Variants in AKR1E2 observed in about 807,000 individuals in gnomAD.
The protein encoded by AKR1E2 is 1,5-anhydro-D-fructose reductase.
Under a neutral mutation model 41.9 loss-of-function variants are expected in AKR1E2, and 43 were observed. The observed-to-expected ratio is 1.03, with a 90% confidence interval of 0.80 to 1.32. The LOEUF (loss-of-function observed/expected upper bound fraction) is 1.32, where lower values mean the gene tolerates loss of function less well. Among genes scored for constraint, AKR1E2 ranks in the 40% most tolerant of loss-of-function variants. The pLI, the probability that AKR1E2 is intolerant of heterozygous loss-of-function variation, is 0.00. For synonymous variants in AKR1E2, 121 were observed against 138.9 expected (o/e 0.87, Z 0.91); for missense variants, 423 against 396.5 (o/e 1.07, Z -0.57).
At chr10:4,849,712 G>C (rs1834486985), downstream of AKR1E2, among the ~76,000 whole-genome samples, 1 of 152,196 alleles carries the variant, frequency 6.6e-6, no homozygotes, top group South Asian at 2.1e-4. Flanking sequence ...AGCGTGAGTT[G>C]GTTAACAGTA....
At chr10:4,846,172 T>A (rs1834320671) in intron 8 of AKR1E2, 1 of 256,022 alleles carries the variant, frequency 3.9e-6, no homozygotes, top group Non-Finnish European at 7.9e-6. Flanking sequence ...GGCTACTTTC[T>A]CCTGCCCTCA....
downstream of AKR1E2, among the ~76,000 whole-genome samples, chr10:4,850,818 G>A (rs1023962831): frequency 5.3e-5 from 8 of 152,174 alleles, 1 homozygote; most frequent in Admixed American, 3.9e-4. Flanking sequence ...TTGGAACTGT[G>A]CATTTAGACA....
chr10:4,830,625 G>A lies in AKR1E2; in HGVS notation c.40-50G>A, dbSNP rs1434701141. On this transcript the variant is annotated intron_variant, in intron 1 of 9. Coordinates refer to ENST00000298375, the MANE Select transcript of AKR1E2 (RefSeq NM_001040177.3). ...TGCTTGGGTGAAAGGGGAGATTTGT[G>A]TTGGATTCCTCTGACTGTGAGAAGA... The A allele has an allele frequency of 2.5e-6, 4 of 1,602,390 alleles. No homozygotes were observed. The South Asian group carries it at 3.3e-5, about 13-fold the overall frequency.
intron 2 of AKR1E2, among the ~76,000 whole-genome samples, chr10:4,832,397 G>A (rs560846930): frequency 5.5e-4 from 84 of 152,324 alleles, no homozygotes; most frequent in African/African-American, 1.9e-3. Context: ...TAAGAGAGCA[G>A]CCTTGGTGTG....
downstream of AKR1E2, among the ~76,000 whole-genome samples, chr10:4,852,848 T>G (rs1834553486): frequency 6.6e-6 from 1 of 152,184 alleles, no homozygotes; most frequent in Admixed American, 6.5e-5. Flanking sequence ...GTTAACAGAT[T>G]TGGTTTCTTC....
chr10:4,825,127 T>C (rs1051197762), upstream of AKR1E2: 1 of 398,530 alleles, frequency 2.5e-6, no homozygotes, highest in Middle Eastern at 6.8e-4. Context: ...ATTGAGGAGA[T>C]GGATGCTCAC....
At chr10:4,848,261 T>A (rs1834457581), downstream of AKR1E2, among the ~76,000 whole-genome samples, 1 of 152,198 alleles carries the variant, frequency 6.6e-6, no homozygotes, top group Admixed American at 6.5e-5. Context: ...TAAGTCAGAT[T>A]ATACCTGGGG....
At chr10:4,829,170 C>A (rs933602379) in intron 1 of AKR1E2, among the ~76,000 whole-genome samples, 5 of 152,108 alleles carry the variant, frequency 3.3e-5, no homozygotes, top group Admixed American at 3.3e-4. Flanking sequence ...CAGATTAATT[C>A]TTTTCCCCGA....
At chr10:4,826,664 G>T (rs1345820227) in intron 1 of AKR1E2, among the ~76,000 whole-genome samples, 1 of 152,210 alleles carries the variant, frequency 6.6e-6, no homozygotes, top group Non-Finnish European at 1.5e-5. Flanking sequence ...CTGCTCTGTG[G>T]AGAGGCGGAG....
rs1293971513 is a variant in AKR1E2 at position 4,847,152 on chromosome 10, T to C, written c.842T>C (p.Phe281Ser). ...AACATTGTGTTTTGGTTCCAGGTGT[T>C]TGATTTTGAATTAACACAGCACGAT... ...PSHIKENIQV[F>S]DFELTQHDMD... is the part of the protein sequence containing the mutation. Residue 281 changes from phenylalanine (F) to serine (S), a missense_variant, in exon 9 of 10, where the codon TTT becomes TCT. Coordinates refer to ENST00000298375, the MANE Select transcript of AKR1E2 (RefSeq NM_001040177.3). 3.1e-6 allele frequency: 5 copies of C among 1,613,720 alleles called. No individual in the cohort carries two copies. Among genetic ancestry groups the C allele is most frequent in the Non-Finnish European group, 4.2e-6 (5 of 1,179,942 alleles).
intron 8 of AKR1E2, among the ~76,000 whole-genome samples, 164 bp downstream of exon 8, chr10:4,842,668 G>A (rs1833984050): frequency 6.6e-6 from 1 of 152,170 alleles, no homozygotes; most frequent in South Asian, 2.1e-4. Flanking sequence ...AGCGATCAAA[G>A]GACCCAGGCT....
At chr10:4,828,998 G>A (rs1392978657) in intron 1 of AKR1E2, among the ~76,000 whole-genome samples, 1 of 152,060 alleles carries the variant, frequency 6.6e-6, no homozygotes, top group Non-Finnish European at 1.5e-5. Flanking sequence ...AGCAAATAAT[G>A]GTAGTTTACT....
chr10:4,825,876 C>G (rs961923748), upstream of AKR1E2, among the ~76,000 whole-genome samples: 4 of 152,208 alleles, frequency 2.6e-5, no homozygotes, highest in African/African-American at 9.6e-5. Context: ...TACCCTCAGT[C>G]GCATATGCAC....
intron 7 of AKR1E2, 39 bp from the exon 8 acceptor site, chr10:4,842,382 T>C (rs777810715): frequency 1.3e-6 from 2 of 1,578,550 alleles, no homozygotes; most frequent in Non-Finnish European, 1.7e-6. Context: ...TACATGGGAT[T>C]TCCCTTTGTG....
At chr10:4,857,859 T>C in the AKR1E2 span, among the ~76,000 whole-genome samples, 10 of 152,214 alleles carry the variant, frequency 6.6e-5, no homozygotes, top group East Asian at 1.9e-3. Flanking sequence ...TTCAGTTGAG[T>C]CTTATCATTT....
the AKR1E2 span, among the ~76,000 whole-genome samples, chr10:4,865,829 C>T: frequency 6.6e-6 from 1 of 152,140 alleles, no homozygotes; most frequent in Non-Finnish European, 1.5e-5. Flanking sequence ...CCCAACCCAA[C>T]CGTTGCCACC....
chr10:4,872,588 G>A, the AKR1E2 span, among the ~76,000 whole-genome samples: 1 of 151,902 alleles, frequency 6.6e-6, no homozygotes, highest in African/African-American at 2.4e-5. Flanking sequence ...TATTGTTAGG[G>A]GTTCCTGCCT....
At chr10:4,872,251 A>C in the AKR1E2 span, among the ~76,000 whole-genome samples, 7 of 152,190 alleles carry the variant, frequency 4.6e-5, no homozygotes, top group Non-Finnish European at 5.9e-5. Flanking sequence ...GCAGAAACAA[A>C]TTCTCTCTTT....
the AKR1E2 span, among the ~76,000 whole-genome samples, chr10:4,870,799 C>T: frequency 2.0e-5 from 3 of 151,908 alleles, no homozygotes; most frequent in African/African-American, 7.3e-5. Context: ...TATCTTCTTA[C>T]TCTGTAGGTT....
Sources: gnomAD v4.1 joint callset for allele counts (sites outside exome capture counted in the v4.1 genomes callset) on GRCh38, gnomAD v4.1.1 for gene constraint, MANE v1.5 for transcripts, NCBI Gene and HGNC (gene_info 2026-07-23, HGNC 2026-07-21) for gene names.